Variants in NOS1AP observed in about 807,000 individuals in gnomAD.
NOS1AP encodes the protein carboxyl-terminal PDZ ligand of neuronal nitric oxide synthase protein.
NOS1AP carries 21 observed loss-of-function variants against 56.2 expected under a neutral mutation model. The ratio of observed to expected loss-of-function variants is 0.37; its 90% CI spans 0.26 to 0.54. NOS1AP has a LOEUF of 0.54. Ranked by LOEUF, NOS1AP falls within the 20% of genes least tolerant of loss-of-function variation. The pLI is 0.84. For missense variants in NOS1AP, 522 were observed against 657.8 expected (o/e 0.79, Z 2.26); for synonymous variants, 270 against 274.6 (o/e 0.98, Z 0.17).
intron 1 of NOS1AP, among the ~76,000 whole-genome samples, chr1:162,073,274 C>T (rs1691696468): frequency 6.6e-6 from 1 of 152,112 alleles, no homozygotes; most frequent in African/African-American, 2.4e-5. Context: ...TTGTGTATGA[C>T]AAAGCCAAGA....
chr1:162,158,893 G>T (rs1430409615), intron 2 of NOS1AP, among the ~76,000 whole-genome samples: 1 of 152,244 alleles, frequency 6.6e-6, no homozygotes, highest in Non-Finnish European at 1.5e-5. Flanking sequence ...GAAAGTGAGA[G>T]AAGAGGGAAT....
chr1:162,280,951 A>G (rs1311725087), intron 2 of NOS1AP, among the ~76,000 whole-genome samples: 3 of 152,214 alleles, frequency 2.0e-5, no homozygotes, highest in South Asian at 2.1e-4. Flanking sequence ...AGAAACTGCC[A>G]TGGTTCTCAG....
intron 2 of NOS1AP, among the ~76,000 whole-genome samples, chr1:162,220,084 A>G (rs1652718493): frequency 6.6e-6 from 1 of 152,208 alleles, no homozygotes. Context: ...GATGAACACC[A>G]TCATACCCGG....
At chr1:162,365,672 C>A in intron 9 of NOS1AP, 103 bp downstream of exon 9, 1 of 1,381,894 alleles carries the variant, frequency 7.2e-7, no homozygotes. Flanking sequence ...CCCTGACCTA[C>A]CCCTATATTC....
chr1:162,131,793 AC>A (rs1046598463), intron 1 of NOS1AP, among the ~76,000 whole-genome samples: 5 of 151,994 alleles, frequency 3.3e-5, no homozygotes, highest in African/African-American at 4.8e-5. Flanking sequence ...AGGAGAAGGC[AC>A]CAAGGTAGAC....
intron 4 of NOS1AP, among the ~76,000 whole-genome samples, chr1:162,314,155 C>G (rs1322063920): frequency 6.6e-6 from 1 of 152,184 alleles, no homozygotes; most frequent in Non-Finnish European, 1.5e-5. Context: ...CTTGCATAAC[C>G]CTTTTGTATC....
At chr1:162,279,027 A>G (rs1002581160) in intron 2 of NOS1AP, among the ~76,000 whole-genome samples, 1 of 152,166 alleles carries the variant, frequency 6.6e-6, no homozygotes, top group African/African-American at 2.4e-5. Context: ...AGTAGGGTTT[A>G]TACTGTTGTA....
At chr1:162,329,395 A>G (rs1217101525) in intron 4 of NOS1AP, among the ~76,000 whole-genome samples, 1 of 151,968 alleles carries the variant, frequency 6.6e-6, no homozygotes, top group Non-Finnish European at 1.5e-5. Flanking sequence ...AAAGAAATTT[A>G]AAGGAGAAGA....
chr1:162,189,302 C>G (rs1651543997), intron 2 of NOS1AP, among the ~76,000 whole-genome samples: 1 of 152,132 alleles, frequency 6.6e-6, no homozygotes, highest in South Asian at 2.1e-4. Context: ...CAGACTTCAT[C>G]TATTTGAAAC....
At chr1:162,243,833 A>G (rs1372823251) in intron 2 of NOS1AP, among the ~76,000 whole-genome samples, 1 of 152,198 alleles carries the variant, frequency 6.6e-6, no homozygotes, top group Non-Finnish European at 1.5e-5. Flanking sequence ...AACCTGCAAA[A>G]CAGCTGTTGT....
At chr1:162,352,364 G>C (rs556240433) in intron 6 of NOS1AP, among the ~76,000 whole-genome samples, 133 of 151,470 alleles carry the variant, frequency 8.8e-4, no homozygotes, top group Admixed American at 2.6e-3. Context: ...TGGCCTGCAG[G>C]CTCCTCTTCT....
chr1:162,106,643 A>AGAT (rs2102036491), intron 1 of NOS1AP, among the ~76,000 whole-genome samples: 1 of 152,372 alleles, frequency 6.6e-6, no homozygotes, highest in East Asian at 1.9e-4. Context: ...TACTATGAAA[A>AGAT]GATGCTCAAC....
intron 1 of NOS1AP, among the ~76,000 whole-genome samples, chr1:162,076,128 CT>C (rs1553254298): frequency 1.3e-5 from 2 of 152,170 alleles, no homozygotes; most frequent in Non-Finnish European, 2.9e-5. Flanking sequence ...TTTCAGAATG[CT>C]TTCGCTGGCT....
intron 2 of NOS1AP, among the ~76,000 whole-genome samples, chr1:162,162,323 T>C (rs1650258443): frequency 6.6e-6 from 1 of 152,178 alleles, no homozygotes; most frequent in Admixed American, 6.5e-5. Flanking sequence ...TGAATCAAGA[T>C]TTTTGCGGTC....
At chr1:162,225,626 G>A (rs901352593) in intron 2 of NOS1AP, among the ~76,000 whole-genome samples, 5 of 152,192 alleles carry the variant, frequency 3.3e-5, no homozygotes, top group African/African-American at 9.7e-5. Context: ...GTTGTCCCAC[G>A]ATCCATTTCC....
At chr1:162,096,887 C>T (rs921071519) in intron 1 of NOS1AP, among the ~76,000 whole-genome samples, 14 of 152,130 alleles carry the variant, frequency 9.2e-5, no homozygotes, top group Non-Finnish European at 1.2e-4. Context: ...CTGCAGCAAA[C>T]ATTCTTGTAT....
rs1647364800 is a variant in NOS1AP, at chr1:162,370,466, C to T, written c.*2999C>T. ...AGTGGCTTTTGCTAAATAAACCTTT[C>T]TTATTTCTAGAAGCTTTTCCATTGT... On this transcript the variant is annotated 3_prime_UTR_variant, in exon 10 of 10. Transcript: ENST00000361897. 1 of 152,204 alleles carries T rather than the reference C, an allele frequency of 6.6e-6. No homozygotes were observed. Among genetic ancestry groups the T allele is most frequent in the Non-Finnish European group, 1.5e-5 (1 of 68,032 alleles). The allele number at this position is 152,204 out of a possible 1,614,324, so 9.4% of individuals were successfully genotyped here. A position where few individuals can be genotyped will look rare whatever the true frequency, so the allele number is the denominator to read the frequency against.
intron 2 of NOS1AP, among the ~76,000 whole-genome samples, chr1:162,227,632 T>A (rs749925854): frequency 2.0e-4 from 30 of 152,206 alleles, no homozygotes; most frequent in Non-Finnish European, 3.5e-4. Context: ...GACCTACAAC[T>A]GTGCAGCACA....
chr1:162,107,959 T>C (rs988600207), intron 1 of NOS1AP, among the ~76,000 whole-genome samples: 7 of 140,888 alleles, frequency 5.0e-5, no homozygotes, highest in Admixed American at 1.4e-4. Flanking sequence ...ATTTGAACAA[T>C]AAAATTAGGA....
Sources: gnomAD v4.1 joint callset for allele counts (sites outside exome capture counted in the v4.1 genomes callset) on GRCh38, gnomAD v4.1.1 for gene constraint, MANE v1.5 for transcripts, NCBI Gene and HGNC (gene_info 2026-07-23, HGNC 2026-07-21) for gene names.